The following NKAIN3 variants were observed in gnomAD, a reference collection of about 807,000 sequenced individuals.
The protein encoded by NKAIN3 is sodium/potassium-transporting ATPase subunit beta-1-interacting protein 3.
In NKAIN3, 25 loss-of-function variants were observed where a neutral mutation model predicts 30.2. That is an observed-to-expected ratio of 0.83 (90% CI 0.60 to 1.16). NKAIN3 has a LOEUF of 1.16. Ranked by LOEUF, NKAIN3 falls within the 50% of genes most tolerant of loss-of-function variation. The pLI is 0.00. For missense variants in NKAIN3, 225 were observed against 254.1 expected (o/e 0.89, Z 0.78); for synonymous variants, 91 against 89.6 (o/e 1.02, Z -0.09).
At chr8:62,357,090 A>G (rs1348541735) in intron 1 of NKAIN3, among the ~76,000 whole-genome samples, 1 of 151,962 alleles carries the variant, frequency 6.6e-6, no homozygotes, top group Non-Finnish European at 1.5e-5. Flanking sequence ...CAACAGAGTG[A>G]GACCCTATCT....
Position 62,915,507 on chromosome 8 carries a change from G to A in NKAIN3, c.472-2946G>A, listed in dbSNP as rs150482779. 3.2e-3 allele frequency among the ~76,000 whole-genome samples: 493 copies of A among 152,272 alleles called. 4 individuals carry two copies. Among genetic ancestry groups the A allele is most frequent in the African/African-American group, 0.011 (475 of 41,560 alleles). ...CAGCCCTGCTGACACCTTGATTTTA[G>A]CCTCGTAAGGCCCATTTCAGACACC... On this transcript the variant is annotated intron_variant, in intron 4 of 6. Transcript: ENST00000623646.
rs1377708124 is a variant in NKAIN3, at chr8:62,717,971, A to G, written c.274-28961A>G. Among the ~76,000 whole-genome samples, 3 of 152,222 alleles carry G rather than the reference A, an allele frequency of 2.0e-5. No homozygotes were observed. The East Asian group carries it at 5.8e-4, about 29-fold the overall frequency. On this transcript the variant is annotated intron_variant, in intron 3 of 6. Transcript: ENST00000623646. ...TCACAAAAGAAAGAGGTTTAATTGG[A>G]CTTACAGTTCCATGTGGCTAGGGAA...
chr8:62,661,559 A>G (rs6985441), intron 3 of NKAIN3, among the ~76,000 whole-genome samples: 31,193 of 152,126 alleles, frequency 0.21, 3,305 homozygotes, highest in East Asian at 0.34. Flanking sequence ...CTACTGGGTA[A>G]GTAGTCTGTC....
chr8:62,646,503 C>A (rs1230792909), intron 3 of NKAIN3, among the ~76,000 whole-genome samples: 1 of 152,030 alleles, frequency 6.6e-6, no homozygotes, highest in Non-Finnish European at 1.5e-5. Context: ...CCTATAATAT[C>A]CTGTTCTGAA....
chr8:62,289,834 G>A (rs1317382706), intron 1 of NKAIN3, among the ~76,000 whole-genome samples: 1 of 152,170 alleles, frequency 6.6e-6, no homozygotes, highest in Admixed American at 6.5e-5. Context: ...ACCTTGGGCA[G>A]TATGGCCATT....
At chr8:62,843,257 T>C (rs1819582014) in intron 4 of NKAIN3, among the ~76,000 whole-genome samples, 1 of 151,918 alleles carries the variant, frequency 6.6e-6, no homozygotes, top group Non-Finnish European at 1.5e-5. Flanking sequence ...GATTGTCCCC[T>C]AGAGACTCCA....
At chr8:62,492,378 A>AT (rs1354273008) in intron 1 of NKAIN3, among the ~76,000 whole-genome samples, 1 of 152,136 alleles carries the variant, frequency 6.6e-6, no homozygotes. Context: ...CCCCACCTCA[A>AT]TTCTACTGAA....
In NKAIN3 at chr8:62,971,842, G is replaced by A. The variant is rs1245034324; in HGVS notation, c.*6435G>A. ...GATTTAATCATCAAGTATGTGAAAT[G>A]AGAATTTCTGCCTCATCTTGTTTCC... On this transcript the variant is annotated 3_prime_UTR_variant, in exon 7 of 7. Transcript: ENST00000623646. Among the ~76,000 whole-genome samples the A allele has an allele frequency of 1.3e-5, 2 of 152,144 alleles. No homozygotes were observed. Among genetic ancestry groups the A allele is most frequent in the Non-Finnish European group, 2.9e-5 (2 of 68,034 alleles).
chr8:62,521,289 G>A (rs576011585), intron 1 of NKAIN3, among the ~76,000 whole-genome samples: 1 of 152,168 alleles, frequency 6.6e-6, no homozygotes, highest in Admixed American at 6.5e-5. Context: ...GTTTCCAAAT[G>A]TCGTTTTTGC....
intron 1 of NKAIN3, among the ~76,000 whole-genome samples, chr8:62,477,635 G>C (rs947801130): frequency 4.6e-5 from 7 of 152,258 alleles, no homozygotes; most frequent in Non-Finnish European, 7.4e-5. Context: ...TGTGGAGAAG[G>C]CTGCTGTGAG....
chr8:62,669,402 T>A lies in NKAIN3; in HGVS notation c.274-77530T>A, dbSNP rs374462628. The stretch of plus-strand genomic sequence containing the variant: ...CAAGAGGACCAAAATTACATCTTCA[T>A]GGCACATGGTCTCAGGATCTCTTGA... On this transcript the variant is annotated intron_variant, in intron 3 of 6. Transcript: ENST00000623646. Among the ~76,000 whole-genome samples the A allele has an allele frequency of 4.0e-4, 61 of 152,320 alleles. No individual in the cohort carries two copies. In the South Asian group the frequency reaches 0.012, roughly 31 times the overall value.
At chr8:62,492,089 A>G (rs181453035) in intron 1 of NKAIN3, among the ~76,000 whole-genome samples, 3 of 152,252 alleles carry the variant, frequency 2.0e-5, no homozygotes, top group Admixed American at 1.3e-4. Context: ...ATCCCTTGAG[A>G]CAAAAATGAC....
At chr8:62,287,932 C>G (rs570960303) in intron 1 of NKAIN3, among the ~76,000 whole-genome samples, 3 of 152,288 alleles carry the variant, frequency 2.0e-5, no homozygotes, top group East Asian at 3.9e-4. Context: ...CTCCGCTTAA[C>G]CTGTATGTTC....
chr8:62,574,301 G>C (rs1248902152), intron 1 of NKAIN3, among the ~76,000 whole-genome samples: 1 of 152,074 alleles, frequency 6.6e-6, no homozygotes, highest in Non-Finnish European at 1.5e-5. Flanking sequence ...TTAATGGACA[G>C]AGGTTGCTTC....
intron 1 of NKAIN3, among the ~76,000 whole-genome samples, chr8:62,420,288 A>T (rs1804592548): frequency 6.6e-6 from 1 of 152,198 alleles, no homozygotes; most frequent in African/African-American, 2.4e-5. Flanking sequence ...AATTTCACCA[A>T]ACAATGGACT....
At chr8:62,493,933 C>T (rs537701766) in intron 1 of NKAIN3, among the ~76,000 whole-genome samples, 2 of 151,978 alleles carry the variant, frequency 1.3e-5, no homozygotes, top group Non-Finnish European at 2.9e-5. Context: ...GGTCGAGACT[C>T]TAGGGTTTTC....
At chr8:62,650,790 T>C (rs1812598830) in intron 3 of NKAIN3, among the ~76,000 whole-genome samples, 1 of 152,120 alleles carries the variant, frequency 6.6e-6, no homozygotes, top group Non-Finnish European at 1.5e-5. Context: ...TTTTATTGCA[T>C]AGATGAGGAT....
At chr8:62,755,863 G>C (rs1816435276) in intron 4 of NKAIN3, among the ~76,000 whole-genome samples, 1 of 152,138 alleles carries the variant, frequency 6.6e-6, no homozygotes, top group African/African-American at 2.4e-5. Flanking sequence ...ACAATATTGA[G>C]AGGGGTTTAT....
At chr8:62,604,111 T>C (rs1811055257) in intron 3 of NKAIN3, among the ~76,000 whole-genome samples, 1 of 152,034 alleles carries the variant, frequency 6.6e-6, no homozygotes, top group Non-Finnish European at 1.5e-5. Context: ...ATTCCATCCT[T>C]CCATGTCCCA....
Sources: gnomAD v4.1 joint callset for allele counts (sites outside exome capture counted in the v4.1 genomes callset) on GRCh38, gnomAD v4.1.1 for gene constraint, MANE v1.5 for transcripts, NCBI Gene and HGNC (gene_info 2026-07-23, HGNC 2026-07-21) for gene names.